The following CSMD3 variants were observed in gnomAD, a reference collection of about 807,000 sequenced individuals.
The protein encoded by CSMD3 is CUB and Sushi multiple domains 3.
A neutral mutation model predicts 435.2 loss-of-function variants in CSMD3; 177 were observed. The ratio of observed to expected loss-of-function variants is 0.41; its 90% CI spans 0.36 to 0.46. The LOEUF (loss-of-function observed/expected upper bound fraction) is 0.46, where lower values mean the gene tolerates loss of function less well. Among genes scored for constraint, CSMD3 ranks in the 20% least tolerant of loss-of-function variants. The probability of loss-of-function intolerance (pLI) is 0.34; values close to 1 mark genes in which losing one functional copy is unlikely to be tolerated. For missense variants in CSMD3, 4,265 were observed against 4,504.6 expected (o/e 0.95, Z 1.52); for synonymous variants, 1,656 against 1,520.5 (o/e 1.09, Z -2.07).
intron 9 of CSMD3, among the ~76,000 whole-genome samples, chr8:112,925,159 T>A (rs2130660109): frequency 6.6e-6 from 1 of 152,312 alleles, no homozygotes; most frequent in South Asian, 2.1e-4. Context: ...AACAGTAATT[T>A]ACTTTTTCTC....
intron 1 of CSMD3, among the ~76,000 whole-genome samples, chr8:113,407,585 T>A (rs796308770): frequency 1.1e-4 from 16 of 152,038 alleles, no homozygotes; most frequent in African/African-American, 3.9e-4. Flanking sequence ...TGTGTGTGTT[T>A]GTGTGTGTAT....
intron 11 of CSMD3, among the ~76,000 whole-genome samples, chr8:112,856,867 C>T (rs1031305452): frequency 1.3e-5 from 2 of 151,708 alleles, no homozygotes; most frequent in African/African-American, 4.8e-5. Flanking sequence ...ATTATTTATA[C>T]CAACAATTTC....
chr8:112,641,015 T>C (rs899327660), intron 20 of CSMD3, among the ~76,000 whole-genome samples: 2 of 152,190 alleles, frequency 1.3e-5, no homozygotes, highest in Non-Finnish European at 2.9e-5. Flanking sequence ...TGTTAAGTAT[T>C]ATTTACCTTT....
intron 3 of CSMD3, among the ~76,000 whole-genome samples, chr8:113,210,800 C>A (rs1000253479): frequency 1.3e-5 from 2 of 151,782 alleles, no homozygotes; most frequent in African/African-American, 2.4e-5. Context: ...TCACTTGGAC[C>A]CAGGAGACAG....
Position 112,408,865 on chromosome 8 carries a change from T to C in CSMD3, c.5509+54A>G, listed in dbSNP as rs143915207. On this transcript the variant is annotated intron_variant, in intron 33 of 70. Transcript: ENST00000297405. ...ATCTCAACTTTCACTACAATACTAA[T>C]CAAAGTCAGTCTTTAATCAGTAACT... 6.0e-4 allele frequency: 966 copies of C among 1,612,688 alleles called. 3 individuals are homozygous for C. In the African/African-American group the frequency reaches 0.012, roughly 20 times the overall value.
chr8:112,620,618 T>A (rs1833993742), intron 22 of CSMD3, among the ~76,000 whole-genome samples: 1 of 152,074 alleles, frequency 6.6e-6, no homozygotes, highest in South Asian at 2.1e-4. Context: ...AGATTGCAGA[T>A]GGAAATTAAT....
intron 7 of CSMD3, among the ~76,000 whole-genome samples, chr8:112,960,674 A>C (rs2084193492): frequency 6.6e-6 from 1 of 151,756 alleles, no homozygotes; most frequent in Non-Finnish European, 1.5e-5. Context: ...TAAGTATTTT[A>C]AAAAGCACAC....
At chr8:113,323,679 C>T (rs2093964005) in intron 1 of CSMD3, among the ~76,000 whole-genome samples, 1 of 152,124 alleles carries the variant, frequency 6.6e-6, no homozygotes, top group Admixed American at 6.6e-5. Context: ...AAATTTTATT[C>T]ACATGTTCTT....
intron 28 of CSMD3, among the ~76,000 whole-genome samples, chr8:112,509,196 C>T (rs778182666): frequency 6.6e-6 from 1 of 151,504 alleles, no homozygotes; most frequent in African/African-American, 2.4e-5. Context: ...CTCAGGTGAT[C>T]CTCCCACCTC....
chr8:112,316,688 A>G (rs1049012335), intron 47 of CSMD3, among the ~76,000 whole-genome samples: 2 of 151,892 alleles, frequency 1.3e-5, no homozygotes, highest in African/African-American at 2.4e-5. Flanking sequence ...CCCATTGTAC[A>G]TATGAGAAAA....
chr8:112,839,001 G>T (rs2080105644), intron 11 of CSMD3, among the ~76,000 whole-genome samples: 1 of 151,590 alleles, frequency 6.6e-6, no homozygotes, highest in African/African-American at 2.4e-5. Context: ...TATTCTAGAA[G>T]AATTATGCAT....
chr8:113,358,354 T>C (rs897874728), intron 1 of CSMD3, among the ~76,000 whole-genome samples: 7 of 152,110 alleles, frequency 4.6e-5, no homozygotes, highest in African/African-American at 1.4e-4. Context: ...TTTTTAAAAA[T>C]AGGAAACTTT....
At chr8:113,377,655 C>T (rs943386145) in intron 1 of CSMD3, among the ~76,000 whole-genome samples, 2 of 152,114 alleles carry the variant, frequency 1.3e-5, no homozygotes, top group Admixed American at 6.5e-5. Context: ...ACAATAGAAA[C>T]TCTAATTTTA....
intron 22 of CSMD3, among the ~76,000 whole-genome samples, chr8:112,635,779 A>G (rs1276473708): frequency 6.6e-6 from 1 of 152,158 alleles, no homozygotes; most frequent in Non-Finnish European, 1.5e-5. Context: ...ATATTGGACA[A>G]TATATTGAAT....
intron 54 of CSMD3, among the ~76,000 whole-genome samples, chr8:112,293,511 T>A (rs1819979051): frequency 6.6e-6 from 1 of 152,114 alleles, no homozygotes; most frequent in African/African-American, 2.4e-5. Flanking sequence ...TAGAAAATGA[T>A]ACACAAAGGC....
chr8:112,341,153 A>G (rs1342342708), intron 42 of CSMD3, among the ~76,000 whole-genome samples: 1 of 152,122 alleles, frequency 6.6e-6, no homozygotes, highest in African/African-American at 2.4e-5. Flanking sequence ...CTTTTAATAT[A>G]AAAGCAAAGA....
chr8:112,886,383 C>A (rs2081599470), intron 10 of CSMD3, among the ~76,000 whole-genome samples: 2 of 150,426 alleles, frequency 1.3e-5, no homozygotes, highest in African/African-American at 4.9e-5. Flanking sequence ...AGAAAATGAG[C>A]AAATTTTTAA....
chr8:113,319,870 A>G (rs1022359111), intron 1 of CSMD3, among the ~76,000 whole-genome samples: 1 of 152,024 alleles, frequency 6.6e-6, no homozygotes, highest in African/African-American at 2.4e-5. Flanking sequence ...TAAATCTACA[A>G]TTCCTTATTG....
intron 53 of CSMD3, 109 bp from the exon 54 acceptor site, chr8:112,296,115 A>G (rs1330688299): frequency 2.0e-5 from 17 of 833,250 alleles, no homozygotes; most frequent in Non-Finnish European, 3.1e-5. Context: ...AAAAGCAAGC[A>G]ACAAATAATT....
Sources: gnomAD v4.1 joint callset for allele counts (sites outside exome capture counted in the v4.1 genomes callset) on GRCh38, gnomAD v4.1.1 for gene constraint, MANE v1.5 for transcripts, NCBI Gene and HGNC (gene_info 2026-07-23, HGNC 2026-07-21) for gene names.